The following NPAS3 variants were observed in gnomAD, a reference collection of about 807,000 sequenced individuals.
NPAS3 encodes the protein neuronal PAS domain-containing protein 3.
In NPAS3, 14 loss-of-function variants were observed where a neutral mutation model predicts 73.1. The observed-to-expected ratio is 0.19, with a 90% CI of 0.13 to 0.30. The LOEUF is 0.30. Ranked by LOEUF, NPAS3 falls within the 10% of genes least tolerant of loss-of-function variation. NPAS3 has a pLI of 1.00. For synonymous variants in NPAS3, 620 were observed against 541.5 expected (o/e 1.14, Z -2.01); for missense variants, 1,096 against 1,250.0 (o/e 0.88, Z 1.86).
upstream of NPAS3, among the ~76,000 whole-genome samples, chr14:32,937,838 T>C (rs1310057397): frequency 6.6e-6 from 1 of 152,202 alleles, no homozygotes; most frequent in African/African-American, 2.4e-5. Context: ...GACACATGAC[T>C]GACCCAAGTC....
intron 1 of NPAS3, among the ~76,000 whole-genome samples, chr14:32,977,461 G>A (rs1336463681): frequency 1.3e-5 from 2 of 152,060 alleles, no homozygotes; most frequent in Non-Finnish European, 2.9e-5. Flanking sequence ...GCTGGGCATA[G>A]TGGCTCACCC....
At chr14:33,174,318 G>T (rs760904025) in intron 2 of NPAS3, among the ~76,000 whole-genome samples, 52 of 152,168 alleles carry the variant, frequency 3.4e-4, no homozygotes, top group Non-Finnish European at 6.8e-4. Context: ...TTGAAAAGCT[G>T]CAGTATCTCA....
intron 1 of NPAS3, among the ~76,000 whole-genome samples, chr14:32,959,714 T>C (rs970791740): frequency 6.6e-6 from 1 of 152,182 alleles, no homozygotes; most frequent in African/African-American, 2.4e-5. Flanking sequence ...CATACTTCAT[T>C]TCCTCAGTAA....
At chr14:33,019,788 C>T (rs1595243573) in intron 1 of NPAS3, among the ~76,000 whole-genome samples, 2 of 152,124 alleles carry the variant, frequency 1.3e-5, no homozygotes, top group Non-Finnish European at 2.9e-5. Context: ...TGTAAAGGAT[C>T]AGTTAGAAGG....
At chr14:33,258,804 GC>G (rs2048867705) in intron 3 of NPAS3, among the ~76,000 whole-genome samples, 1 of 151,976 alleles carries the variant, frequency 6.6e-6, no homozygotes, top group Non-Finnish European at 1.5e-5. Flanking sequence ...ATCATAAATA[GC>G]TGTAGCTCTT....
chr14:33,150,998 G>C (rs575405733), intron 2 of NPAS3, among the ~76,000 whole-genome samples: 1 of 152,186 alleles, frequency 6.6e-6, no homozygotes, highest in African/African-American at 2.4e-5. Context: ...GATCTAATAC[G>C]ATATTCCTTG....
intron 7 of NPAS3, among the ~76,000 whole-genome samples, chr14:33,764,159 G>A (rs1468269017): frequency 6.6e-6 from 1 of 152,178 alleles, no homozygotes; most frequent in African/African-American, 2.4e-5. Flanking sequence ...GGGCACTGGG[G>A]AGGCTATCCT....
At chr14:33,128,158 T>A (rs2043498863) in intron 2 of NPAS3, among the ~76,000 whole-genome samples, 5 of 152,176 alleles carry the variant, frequency 3.3e-5, no homozygotes, top group Non-Finnish European at 5.9e-5. Context: ...CTCACTTAAA[T>A]CCCAGTGGTA....
intron 3 of NPAS3, among the ~76,000 whole-genome samples, chr14:33,331,046 A>C (rs980262311): frequency 1.3e-5 from 2 of 152,220 alleles, no homozygotes; most frequent in African/African-American, 2.4e-5. Context: ...AACATTCCTC[A>C]AACTGGTATA....
chr14:33,003,388 T>G (rs1566454071), intron 1 of NPAS3, among the ~76,000 whole-genome samples: 1 of 152,178 alleles, frequency 6.6e-6, no homozygotes, highest in Non-Finnish European at 1.5e-5. Flanking sequence ...CACAACTAAA[T>G]GCATGTGAAA....
chr14:33,251,543 G>A (rs1042709183), intron 3 of NPAS3, among the ~76,000 whole-genome samples: 4 of 151,864 alleles, frequency 2.6e-5, no homozygotes, highest in South Asian at 2.1e-4. Flanking sequence ...TTTATGTGTC[G>A]TTCATCTGCG....
At chr14:33,258,170 G>A (rs1176701029) in intron 3 of NPAS3, among the ~76,000 whole-genome samples, 1 of 152,140 alleles carries the variant, frequency 6.6e-6, no homozygotes, top group Non-Finnish European at 1.5e-5. Context: ...GCCGAGGTGG[G>A]CAAATCATTT....
intron 8 of NPAS3, among the ~76,000 whole-genome samples, chr14:33,776,520 T>TAAAA (rs1566528548): frequency 3.9e-5 from 3 of 76,332 alleles, no homozygotes; most frequent in Admixed American, 3.6e-4. Flanking sequence ...TTTCTTCCTC[T>TAAAA]TAAAAAAAAA....
At chr14:33,598,704 G>A (rs528977821) in intron 5 of NPAS3, among the ~76,000 whole-genome samples, 5 of 152,268 alleles carry the variant, frequency 3.3e-5, no homozygotes, top group Admixed American at 1.3e-4. Flanking sequence ...TTTTGTGGCC[G>A]ATGGCTGCAT....
intron 2 of NPAS3, among the ~76,000 whole-genome samples, chr14:33,175,858 TA>T (rs2045571349): frequency 6.6e-6 from 1 of 152,098 alleles, no homozygotes; most frequent in African/African-American, 2.4e-5. Context: ...TCTCCTAAAA[TA>T]AAATCATAAA....
intron 4 of NPAS3, among the ~76,000 whole-genome samples, chr14:33,507,414 C>G (rs2052818463): frequency 6.6e-6 from 1 of 152,014 alleles, no homozygotes; most frequent in Non-Finnish European, 1.5e-5. Context: ...AGTTTTATGT[C>G]TGTTTATTTG....
intron 2 of NPAS3, among the ~76,000 whole-genome samples, chr14:33,068,601 AATC>A (rs1477290068): frequency 6.6e-6 from 1 of 152,236 alleles, no homozygotes; most frequent in Non-Finnish European, 1.5e-5. Flanking sequence ...AAATGAAGGA[AATC>A]ATATAGTCTG....
intron 2 of NPAS3, among the ~76,000 whole-genome samples, chr14:33,155,280 G>A (rs891463862): frequency 6.6e-6 from 1 of 152,206 alleles, no homozygotes; most frequent in African/African-American, 2.4e-5. Context: ...AGCCAGTTCA[G>A]ACAACTCTCA....
intron 5 of NPAS3, among the ~76,000 whole-genome samples, chr14:33,574,538 G>T (rs1259691927): frequency 6.6e-6 from 1 of 151,996 alleles, no homozygotes; most frequent in East Asian, 2.0e-4. Flanking sequence ...AACAAATGTT[G>T]GCCTCTCTTC....
Sources: allele counts gnomAD v4.1 joint callset (sites outside exome capture counted in the v4.1 genomes callset), GRCh38; gene constraint gnomAD v4.1.1; transcripts MANE v1.5; gene names NCBI Gene and HGNC (gene_info 2026-07-23, HGNC 2026-07-21).